The following SLC11A2 variants were observed in gnomAD, a reference collection of about 807,000 sequenced individuals.
The protein encoded by SLC11A2 is natural resistance-associated macrophage protein 2.
Under a neutral mutation model 68.0 loss-of-function variants are expected in SLC11A2, and 38 were observed. The observed-to-expected ratio is 0.56, with a 90% CI of 0.43 to 0.73. The LOEUF is 0.73. SLC11A2 is among the 30% of genes least tolerant of loss of function. The pLI, the probability that SLC11A2 is intolerant of heterozygous loss-of-function variation, is 0.00. For synonymous variants in SLC11A2, 242 were observed against 250.6 expected, an observed-to-expected ratio of 0.97 and a Z score of 0.32; for missense variants, 517 against 690.5, an observed-to-expected ratio of 0.75 and a Z score of 2.82.
chr12:51,025,256 G>A (rs1381812916), intron 1 of SLC11A2, among the ~76,000 whole-genome samples: 1 of 152,170 alleles, frequency 6.6e-6, no homozygotes, highest in Non-Finnish European at 1.5e-5. Flanking sequence ...GAAGTGTTAA[G>A]GGGAAAGAAG....
chr12:51,027,806 G>A (rs905518865), upstream of SLC11A2, among the ~76,000 whole-genome samples: 1 of 150,394 alleles, frequency 6.6e-6, no homozygotes, highest in Non-Finnish European at 1.5e-5. Flanking sequence ...ACAGCTAGGA[G>A]AAAATTTCAT....
At chr12:51,026,734 G>A (rs1740659040), upstream of SLC11A2, among the ~76,000 whole-genome samples, 1 of 152,116 alleles carries the variant, frequency 6.6e-6, no homozygotes, top group South Asian at 2.1e-4. Flanking sequence ...GCTCTATCCT[G>A]TAAAGGGTAG....
At chr12:51,002,554 G>A (rs953542946) in intron 5 of SLC11A2, among the ~76,000 whole-genome samples, 1 of 149,780 alleles carries the variant, frequency 6.7e-6, no homozygotes, top group Non-Finnish European at 1.5e-5. Flanking sequence ...CAGGAGAATC[G>A]CTTGAACCTG....
rs1249172056 is a variant in SLC11A2 at position 51,011,418 on chromosome 12, G to C, written c.-38-652C>G. ...GCTGGGATTATAGGCATGAGCCAAC[G>C]CACCTGGCCAGGCAAATACTTTTTT... On this transcript the variant is annotated intron_variant, in intron 1 of 15. Transcript: ENST00000262052. Among the ~76,000 whole-genome samples the C allele has an allele frequency of 2.6e-5, 4 of 151,604 alleles. No homozygotes were observed. The South Asian group carries it at 8.3e-4, about 32-fold the overall frequency.
At chr12:51,013,102 G>A (rs1943361312) in intron 1 of SLC11A2, among the ~76,000 whole-genome samples, 2 of 152,072 alleles carry the variant, frequency 1.3e-5, no homozygotes, top group African/African-American at 4.8e-5. Context: ...AGCTCTTCCA[G>A]GAAAAGAGGA....
At chr12:51,028,519 A>T, upstream of SLC11A2, 1 of 321,010 alleles carries the variant, frequency 3.1e-6, no homozygotes, top group Non-Finnish European at 5.6e-6. Context: ...ACCATTTGGC[A>T]GGAGCAAGAG....
At position 50,999,183 on chromosome 12, in the gene SLC11A2, A is replaced by C; in HGVS notation, c.666T>G (p.Phe222Leu). The C allele has an allele frequency of 6.2e-7, 1 of 1,612,574 alleles. No homozygotes were observed. Among genetic ancestry groups the C allele is most frequent in the Non-Finnish European group, 8.5e-7 (1 of 1,178,624 alleles). ...GFLITIMALT[F>L]GYEYVTVKPS... ...ATCCTGTACCACTTGCCTCATATCC[A>C]AATGTGAGGGCCATAATAGTGATGA... Residue 222 changes from phenylalanine to leucine, a missense_variant, in exon 8 of 16, where the codon TTT becomes TTG. Phe to Leu is a conservative substitution (Grantham distance 22). Coordinates refer to ENST00000262052, the MANE Select transcript of SLC11A2 (RefSeq NM_000617.3).
At chr12:51,019,643 AC>A (rs1319905048) in intron 1 of SLC11A2, among the ~76,000 whole-genome samples, 1 of 145,286 alleles carries the variant, frequency 6.9e-6, no homozygotes, top group Non-Finnish European at 1.5e-5. Flanking sequence ...TATCCATCCA[AC>A]TTTTTTTTTT....
At position 51,023,362 on chromosome 12, in the gene SLC11A2, G is replaced by A. The variant is rs142663550; in HGVS notation, c.-39+2948C>T. 5.1e-4 allele frequency among the ~76,000 whole-genome samples: 78 copies of A among 152,278 alleles called. 2 individuals are homozygous for A. In the East Asian group the frequency reaches 0.013, roughly 25 times the overall value. Reference sequence around the variant, plus strand: ...CTCAGGAGGCTCTAGTGGGAGGATCGCTTAAGCCTGGAATGTGGAGGTTGC... The same window carrying A: ...CTCAGGAGGCTCTAGTGGGAGGATCACTTAAGCCTGGAATGTGGAGGTTGC... On this transcript the variant is annotated intron_variant, in intron 1 of 15. Coordinates refer to ENST00000262052, the MANE Select transcript of SLC11A2 (RefSeq NM_000617.3).
the SLC11A2 span, among the ~76,000 whole-genome samples, chr12:50,952,384 A>G: frequency 6.6e-6 from 1 of 152,206 alleles, no homozygotes; most frequent in Admixed American, 6.5e-5. Context: ...TTATTTAAAC[A>G]TTAAGTTACA....
At chr12:50,957,937 G>GGGGTGTGTGTGT in the SLC11A2 span, among the ~76,000 whole-genome samples, 2 of 132,504 alleles carry the variant, frequency 1.5e-5, no homozygotes, top group African/African-American at 2.7e-5. Flanking sequence ...ATGAATTGGA[G>GGGGTGTGTGTGT]GTGTGTGTGT....
chr12:50,960,990 G>A, the SLC11A2 span: 4 of 1,599,434 alleles, frequency 2.5e-6, no homozygotes, highest in Non-Finnish European at 3.4e-6. Context: ...TTGTGACTGT[G>A]GTGTCCTGTG....
chr12:51,019,176 A>G (rs1373440504), intron 1 of SLC11A2, among the ~76,000 whole-genome samples: 1 of 152,270 alleles, frequency 6.6e-6, no homozygotes, highest in Non-Finnish European at 1.5e-5. Context: ...TGCTAGTGAC[A>G]AAAGAGAAAC....
chr12:50,973,340 T>C, the SLC11A2 span, among the ~76,000 whole-genome samples: 23,134 of 152,096 alleles, frequency 0.15, 1,940 homozygotes, highest in South Asian at 0.26. Context: ...CACCAATATT[T>C]GCTGTTCTGC....
chr12:50,966,888 G>A, the SLC11A2 span, among the ~76,000 whole-genome samples: 1 of 152,084 alleles, frequency 6.6e-6, no homozygotes, highest in South Asian at 2.1e-4. Flanking sequence ...GGCCAAGGTG[G>A]GTAGATCATT....
chr12:51,019,760 G>C (rs887033028), intron 1 of SLC11A2, among the ~76,000 whole-genome samples: 1 of 146,816 alleles, frequency 6.8e-6, no homozygotes, highest in Admixed American at 6.9e-5. Flanking sequence ...TGATCCTCCC[G>C]CCTCAGCCTC....
At chr12:50,982,534 G>T (rs113774484), downstream of SLC11A2, among the ~76,000 whole-genome samples, 1,073 of 152,298 alleles carry the variant, frequency 7.0e-3, 20 homozygotes, top group African/African-American at 0.024. Flanking sequence ...GGCTGAGGCA[G>T]GAGAATCACT....
chr12:51,010,639 C>T, intron 2 of SLC11A2, 56 bp downstream of exon 2: 2 of 974,630 alleles, frequency 2.1e-6, no homozygotes, highest in South Asian at 1.3e-5. Context: ...ATTTCTGTTA[C>T]CAACATAAAC....
At chr12:50,998,291 G>A (rs1004232709) in intron 8 of SLC11A2, among the ~76,000 whole-genome samples, 6 of 152,066 alleles carry the variant, frequency 3.9e-5, no homozygotes, top group African/African-American at 7.2e-5. Flanking sequence ...CCTGGGAGGC[G>A]GAGGCTGCAA....
Sources: allele counts gnomAD v4.1 joint callset (sites outside exome capture counted in the v4.1 genomes callset), GRCh38; gene constraint gnomAD v4.1.1; transcripts MANE v1.5; gene names NCBI Gene and HGNC (gene_info 2026-07-23, HGNC 2026-07-21).